TCP11: variants seen among roughly 807,000 people sequenced by gnomAD.
The protein encoded by TCP11 is t-complex 11, also known as T-complex protein 11 homolog.
A neutral mutation model predicts 45.0 loss-of-function variants in TCP11; 34 were observed. That is an observed-to-expected ratio of 0.76 (90% confidence interval 0.57 to 1.01). The LOEUF is 1.01. Among genes scored for constraint, TCP11 ranks in the 50% least tolerant of loss-of-function variants. TCP11 has a pLI of 0.00. For synonymous variants in TCP11, 227 were observed against 227.0 expected, an observed-to-expected ratio of 1.00 and a Z score of 0.00; for missense variants, 523 against 598.1, an observed-to-expected ratio of 0.87 and a Z score of 1.31.
At chr6:35,135,312 G>A (rs1052400987) in intron 3 of TCP11, among the ~76,000 whole-genome samples, 1 of 152,078 alleles carries the variant, frequency 6.6e-6, no homozygotes, top group Non-Finnish European at 1.5e-5. Context: ...TATACACCAT[G>A]TTTAGTATAT....
intron 1 of TCP11, 147 bp downstream of exon 1, chr6:35,141,058 G>A (rs1039765426): frequency 4.1e-6 from 5 of 1,225,928 alleles, no homozygotes; most frequent in East Asian, 6.2e-5. Context: ...TGGGACAGAA[G>A]TGGAGCGCTG....
intron 1 of TCP11, 135 bp from the exon 2 acceptor site, chr6:35,141,019 AAGGAGCGTGG>A (rs1562015290): frequency 2.3e-6 from 3 of 1,282,592 alleles, no homozygotes; most frequent in East Asian, 5.8e-5. Flanking sequence ...GAAAGGGGCA[AAGGAGCGTGG>A]AGGAGCGGAA....
chr6:35,133,177 T>C (rs1780646458), intron 3 of TCP11, among the ~76,000 whole-genome samples: 1 of 152,066 alleles, frequency 6.6e-6, no homozygotes, highest in African/African-American at 2.4e-5. Flanking sequence ...GATACAATAT[T>C]TACAATCTTT....
At chr6:35,138,415 T>C (rs1781349874) in intron 2 of TCP11, among the ~76,000 whole-genome samples, 1 of 152,216 alleles carries the variant, frequency 6.6e-6, no homozygotes, top group Non-Finnish European at 1.5e-5. Flanking sequence ...CACAAGATCT[T>C]GTTATCCGCA....
At chr6:35,118,622 C>A in intron 9 of TCP11, 121 bp from the exon 10 acceptor site, 1 of 825,342 alleles carries the variant, frequency 1.2e-6, no homozygotes, top group Non-Finnish European at 1.9e-6. Flanking sequence ...TGCCCCCCTA[C>A]CTAGAGATAA....
chr6:35,119,357 C>G lies in TCP11; in HGVS notation c.1150G>C (p.Val384Leu). 6.2e-7 allele frequency: 1 copy of G among 1,614,196 alleles called. No individual in the cohort carries two copies. Among genetic ancestry groups the G allele is most frequent in the Non-Finnish European group, 8.5e-7 (1 of 1,180,032 alleles). ...EEAILTVSEQ[V>L]SQEIHQSLKN... The stretch of plus-strand genomic sequence containing the variant: ...AGGCTTTGATGGATTTCCTGAGATA[C>G]CTGTTCACTCACAGTCAGTATAGCT... Residue 384 changes from valine to leucine, a missense_variant, in exon 9 of 10, where the codon GTA (valine) becomes CTA (leucine). Physicochemically the swap from Val to Leu is conservative, Grantham distance 32 (BLOSUM62 1). This residue lies in a region of TCP11 where 298 missense variants were observed against 387.9 expected (regional missense o/e 0.77). Transcript: ENST00000311875.
At chr6:35,123,651 CTTT>C (rs3045081) in intron 4 of TCP11, among the ~76,000 whole-genome samples, 7 of 128,004 alleles carry the variant, frequency 5.5e-5, no homozygotes, top group Non-Finnish European at 6.5e-5. Flanking sequence ...AGTTTTCTTT[CTTT>C]TTTTTTTTTT....
Position 35,136,098 on chromosome 6 carries a change from A to G in TCP11, c.236+9T>C. ...ATGAGCAACATGAAGAAAGAAGAAG[A>G]GTCTATACCTGCTTGGAGGTAAAAC... On this transcript the variant is annotated intron_variant, in intron 3 of 9. Coordinates refer to ENST00000311875, the MANE Select transcript of TCP11 (RefSeq NM_001370687.1). The G allele has an allele frequency of 6.2e-7, 1 of 1,606,354 alleles. No homozygotes were observed. Among genetic ancestry groups the G allele is most frequent in the Non-Finnish European group, 8.5e-7 (1 of 1,174,548 alleles).
In TCP11 at chr6:35,121,042, C is replaced by T; in HGVS notation, c.582G>A (p.Gly194=). ...TCATCCGGCCCAGAACCTGGAAGAT[C>T]CCTCTGACACAGGGGGAAAGAGAAT... ...NITDPVWLLR[G]IFQVLGRMKM... The change falls in exon 6 of 10, where the codon GGG becomes GGA. Residue 194 remains glycine, a synonymous_variant. Transcript: ENST00000311875. 1.2e-6 allele frequency: 2 copies of T among 1,604,916 alleles called. No individual in the cohort carries two copies. The highest frequency in any genetic ancestry group is 1.7e-6 in the Non-Finnish European group (2 of 1,175,028).
chr6:35,140,430 A>C (rs2127697806), intron 2 of TCP11: 1 of 530,110 alleles, frequency 1.9e-6, no homozygotes, highest in East Asian at 4.1e-5. Flanking sequence ...TGGGTTCTTT[A>C]AAATCAATCC....
At chr6:35,126,518 T>G (rs1314345851) in intron 4 of TCP11, among the ~76,000 whole-genome samples, 3 of 152,162 alleles carry the variant, frequency 2.0e-5, no homozygotes, top group Non-Finnish European at 4.4e-5. Context: ...AAGCTTTCAC[T>G]GAGAATCAGC....
rs374423102 is a variant in TCP11 at position 35,136,178 on chromosome 6, A to C, written c.165T>G (p.Val55=). ...TCCCAATCTTGTTGCTCAGCTTGGA[A>C]ACTTCATTAACGGTTTCTGTCAGAC... ...VTGLTETVNE[V]SKLSNKIGMN... The change falls in exon 3 of 10, where the codon GTT becomes GTG. Residue 55 remains valine (V), a synonymous_variant. Coordinates refer to ENST00000311875, the MANE Select transcript of TCP11 (RefSeq NM_001370687.1). 6.2e-7 allele frequency: 1 copy of C among 1,613,438 alleles called. No individual in the cohort carries two copies. Among genetic ancestry groups the C allele is most frequent in the Non-Finnish European group, 8.5e-7 (1 of 1,179,806 alleles).
At position 35,125,827 on chromosome 6, in the gene TCP11, A is replaced by G. The variant is rs1779765163; in HGVS notation, c.357+3235T>C. ...CATATAATAAGAATATTATTCAGCC[A>G]TAAAAAGGAATTACATTCTGATATA... On this transcript the variant is annotated intron_variant, in intron 4 of 9. Coordinates refer to ENST00000311875, the MANE Select transcript of TCP11 (RefSeq NM_001370687.1). 3.3e-5 allele frequency among the ~76,000 whole-genome samples: 5 copies of G among 152,268 alleles called. No individual in the cohort carries two copies. In the South Asian group the frequency reaches 1.0e-3, roughly 31 times the overall value.
intron 3 of TCP11, among the ~76,000 whole-genome samples, chr6:35,134,144 T>C (rs1254266537): frequency 1.3e-5 from 2 of 152,186 alleles, no homozygotes; most frequent in Non-Finnish European, 2.9e-5. Context: ...CTCTGCTTCC[T>C]GATACAGTCA....
chr6:35,121,830 A>C (rs1017241772), intron 5 of TCP11, among the ~76,000 whole-genome samples: 1 of 152,018 alleles, frequency 6.6e-6, no homozygotes, highest in African/African-American at 2.4e-5. Context: ...AGAAAAAAAA[A>C]AACCTGGGAA....
At chr6:35,122,822 A>G (rs1024923974) in intron 4 of TCP11, among the ~76,000 whole-genome samples, 1 of 152,194 alleles carries the variant, frequency 6.6e-6, no homozygotes, top group Non-Finnish European at 1.5e-5. Flanking sequence ...TGTAACACAC[A>G]GGACATGGTG....
Position 35,120,778 on chromosome 6 carries a change from G to T in TCP11, c.715+131C>A. 7.2e-7 allele frequency: 1 copy of T among 1,398,100 alleles called. No homozygotes were observed. The highest frequency in any genetic ancestry group is 9.8e-7 in the Non-Finnish European group (1 of 1,024,684). The allele number at this position is 1,398,100 out of a possible 1,614,324, so 86.6% of individuals were successfully genotyped here. On this transcript the variant is annotated intron_variant, in intron 6 of 9. Coordinates refer to ENST00000311875, the MANE Select transcript of TCP11 (RefSeq NM_001370687.1). The surrounding 1 kb of genome is among the most constrained non-coding windows in gnomAD (Gnocchi z 4.9). ...GAGGGTCTTTCTGTCTTAGATAAAT[G>T]TTCCTTCTCCCTCCCTTCACCTAAT...
chr6:35,122,119 C>G lies in TCP11; in HGVS notation c.576G>C (p.Leu192=), dbSNP rs749009305. 7 of 1,614,196 alleles carry G rather than the reference C, an allele frequency of 4.3e-6. No homozygotes were observed. In the South Asian group the frequency reaches 6.6e-5, roughly 15 times the overall value. The stretch of plus-strand genomic sequence containing the variant: ...GGGGGCAGTATCAAGTTTCATACCT[C>G]AGTAGCCAAACAGGATCCGTAATGT... ...LENITDPVWL[L]RGIFQVLGRM... is the part of the protein sequence containing the mutation. The change falls in exon 5 of 10, where the codon CTG becomes CTC. Residue 192 remains leucine (L), a splice_region_variant and synonymous_variant. Coordinates refer to ENST00000311875, the MANE Select transcript of TCP11 (RefSeq NM_001370687.1).
At chr6:35,137,883 AT>A (rs1371472001) in intron 2 of TCP11, 17 of 440,514 alleles carry the variant, frequency 3.9e-5, no homozygotes, top group African/African-American at 3.4e-4. Context: ...GGCTCATTGT[AT>A]TAGTCATTCT....
Sources: gnomAD v4.1 joint callset for allele counts (sites outside exome capture counted in the v4.1 genomes callset) on GRCh38, gnomAD v4.1.1 for gene constraint, gnomAD v4.1.1 regional missense constraint, Gnocchi (gnomAD v3.1) non-coding constraint, MANE v1.5 for transcripts, NCBI Gene and HGNC (gene_info 2026-07-23, HGNC 2026-07-21) for gene names.